The following IGF2BP3 variants were observed in gnomAD, a reference collection of about 807,000 sequenced individuals.
IGF2BP3 encodes the protein insulin-like growth factor 2 mRNA-binding protein 3.
IGF2BP3 carries 9 observed loss-of-function variants against 73.8 expected under a neutral mutation model. The observed-to-expected ratio is 0.12, with a 90% confidence interval of 0.07 to 0.21. IGF2BP3 has a LOEUF of 0.21. IGF2BP3 is among the 10% of genes least tolerant of loss of function. The pLI, the probability that IGF2BP3 is intolerant of heterozygous loss-of-function variation, is 1.00. For synonymous variants in IGF2BP3, 258 were observed against 256.7 expected (o/e 1.01, Z -0.05); for missense variants, 542 against 714.0 (o/e 0.76, Z 2.75).
chr7:23,371,677 T>C (rs1209310814), intron 3 of IGF2BP3, among the ~76,000 whole-genome samples: 1 of 152,228 alleles, frequency 6.6e-6, no homozygotes, highest in African/African-American at 2.4e-5. Context: ...CCATGCTGCA[T>C]ATCCCCTTTA....
At chr7:23,415,575 G>A (rs1226968705) in intron 3 of IGF2BP3, 3 of 265,500 alleles carry the variant, frequency 1.1e-5, no homozygotes, top group Non-Finnish European at 2.2e-5. Context: ...TCTGTCAGCC[G>A]GCGTCACTGA....
At chr7:23,363,954 G>C (rs1371706447) in intron 3 of IGF2BP3, among the ~76,000 whole-genome samples, 1 of 152,204 alleles carries the variant, frequency 6.6e-6, no homozygotes, top group Non-Finnish European at 1.5e-5. Context: ...TAAAAACAAG[G>C]GTGGCCGGGC....
At chr7:23,335,287 A>AT (rs1784545300) in intron 10 of IGF2BP3, among the ~76,000 whole-genome samples, 3 of 120,840 alleles carry the variant, frequency 2.5e-5, no homozygotes, top group Non-Finnish European at 5.5e-5. Context: ...TCCAACTCAT[A>AT]ATTTTTTTTT....
At chr7:23,312,558 A>AAAT in intron 14 of IGF2BP3, 98 bp from the exon 15 acceptor site, 1 of 982,856 alleles carries the variant, frequency 1.0e-6, no homozygotes, top group Non-Finnish European at 1.6e-6. Flanking sequence ...AATCCATTTG[A>AAAT]TGATTAAAGA....
At chr7:23,402,921 T>A (rs546832518) in intron 3 of IGF2BP3, among the ~76,000 whole-genome samples, 3 of 152,246 alleles carry the variant, frequency 2.0e-5, no homozygotes, top group Non-Finnish European at 2.9e-5. Flanking sequence ...AATCTGTGGA[T>A]CTTTTGGGAT....
intron 6 of IGF2BP3, among the ~76,000 whole-genome samples, chr7:23,349,419 T>C (rs1784906925): frequency 6.6e-6 from 1 of 152,316 alleles, no homozygotes; most frequent in Admixed American, 6.5e-5. Context: ...AAAAATAGTG[T>C]CTTAGATAAC....
rs549946464 is a variant in IGF2BP3, at chr7:23,398,811, C to T, written c.285+19965G>A. ...TTCATTGTAGATTCTGGATATTAGC[C>T]CTTTGTCAGATGAGTAGGTTGCAAA... On this transcript the variant is annotated intron_variant, in intron 3 of 14. Coordinates refer to ENST00000258729, the MANE Select transcript of IGF2BP3 (RefSeq NM_006547.3). 6.1e-3 allele frequency among the ~76,000 whole-genome samples: 923 copies of T among 152,058 alleles called. 6 individuals are homozygous for T. The highest frequency in any genetic ancestry group is 0.021 in the African/African-American group (888 of 41,478).
chr7:23,331,514 G>C (rs1437912238), intron 10 of IGF2BP3, among the ~76,000 whole-genome samples: 1 of 152,010 alleles, frequency 6.6e-6, no homozygotes, highest in Non-Finnish European at 1.5e-5. Context: ...GTGAGACTCT[G>C]TCTCAAAAAC....
chr7:23,322,695 G>A (rs1466079651), intron 10 of IGF2BP3, among the ~76,000 whole-genome samples: 3 of 152,274 alleles, frequency 2.0e-5, no homozygotes, highest in African/African-American at 7.2e-5. Flanking sequence ...CCCACAAAGG[G>A]AAGCCCATCA....
At chr7:23,341,979 G>C (rs1035152384) in intron 10 of IGF2BP3, 85 bp downstream of exon 10, 1 of 1,356,586 alleles carries the variant, frequency 7.4e-7, no homozygotes, top group Admixed American at 3.2e-5. Context: ...GCATATGTTG[G>C]CATCTAAACA....
Position 23,445,652 on chromosome 7 carries a change from C to A in IGF2BP3, c.236+22830G>T, listed in dbSNP as rs547221698. On this transcript the variant is annotated intron_variant, in intron 2 of 14. Transcript: ENST00000258729. Reference sequence around the variant, plus strand: ...ATAGGAACACTGAAGAAGCGTGTAACAATGCTTTACCAATATTGTTATAGA... The same window carrying A: ...ATAGGAACACTGAAGAAGCGTGTAAAAATGCTTTACCAATATTGTTATAGA... 1.1e-4 allele frequency among the ~76,000 whole-genome samples: 16 copies of A among 152,186 alleles called. No homozygotes were observed. The East Asian group carries it at 2.9e-3, about 28-fold the overall frequency.
intron 10 of IGF2BP3, among the ~76,000 whole-genome samples, chr7:23,341,761 AAAAAG>A (rs1562685700): frequency 1.3e-5 from 2 of 151,876 alleles, no homozygotes; most frequent in Non-Finnish European, 2.9e-5. Flanking sequence ...AGAATAAAAA[AAAAAG>A]AAAAAAGAAA....
chr7:23,427,223 A>T (rs1327877297), intron 2 of IGF2BP3, among the ~76,000 whole-genome samples: 1 of 152,188 alleles, frequency 6.6e-6, no homozygotes, highest in Non-Finnish European at 1.5e-5. Flanking sequence ...TTGCATAAAT[A>T]TAGGTGTATG....
chr7:23,413,627 AT>A (rs1787097881), intron 3 of IGF2BP3: 1 of 152,146 alleles, frequency 6.6e-6, no homozygotes, highest in South Asian at 2.1e-4. Flanking sequence ...CCCTACCCTT[AT>A]CCATTTAAGG....
chr7:23,454,491 C>T (rs1487209255), intron 2 of IGF2BP3, among the ~76,000 whole-genome samples: 1 of 152,190 alleles, frequency 6.6e-6, no homozygotes, highest in African/African-American at 2.4e-5. Flanking sequence ...ATGGTAAACA[C>T]ACAAACTTAT....
At chr7:23,460,927 T>G (rs4464860) in intron 2 of IGF2BP3, among the ~76,000 whole-genome samples, 56,166 of 152,038 alleles carry the variant, frequency 0.37, 10,995 homozygotes, top group African/African-American at 0.47. Flanking sequence ...CTCCAGCCTG[T>G]CAACAGAGCA....
intron 3 of IGF2BP3, among the ~76,000 whole-genome samples, chr7:23,396,041 G>GTT (rs10718892): frequency 1.4e-5 from 2 of 143,438 alleles, no homozygotes; most frequent in African/African-American, 2.6e-5. Context: ...AATCCAGTGA[G>GTT]TTTTTTTTTT....
intron 5 of IGF2BP3, among the ~76,000 whole-genome samples, chr7:23,358,668 C>T (rs1422164200): frequency 1.3e-5 from 2 of 152,204 alleles, no homozygotes; most frequent in Non-Finnish European, 2.9e-5. Flanking sequence ...CTCTGCTACA[C>T]CCAATGCCTC....
intron 5 of IGF2BP3, 112 bp from the exon 6 acceptor site, chr7:23,351,698 A>G: frequency 8.6e-7 from 1 of 1,156,394 alleles, no homozygotes; most frequent in Non-Finnish European, 1.2e-6. Flanking sequence ...TAAACTTCTG[A>G]GTGAAGCCCC....
Sources: allele counts gnomAD v4.1 joint callset (sites outside exome capture counted in the v4.1 genomes callset), GRCh38; gene constraint gnomAD v4.1.1; transcripts MANE v1.5; gene names NCBI Gene and HGNC (gene_info 2026-07-23, HGNC 2026-07-21).